Variants in FASTKD3 observed in about 807,000 individuals in gnomAD.
The protein encoded by FASTKD3 is FAST kinase domain-containing protein 3, mitochondrial.
A neutral mutation model predicts 49.7 loss-of-function variants in FASTKD3; 47 were observed. The ratio of observed to expected loss-of-function variants is 0.95; its 90% CI spans 0.75 to 1.21. The LOEUF is 1.21. FASTKD3 is among the 50% of genes most tolerant of loss of function. The pLI, the probability that FASTKD3 is intolerant of heterozygous loss-of-function variation, is 0.00. For synonymous variants in FASTKD3, 284 were observed against 288.6 expected, an observed-to-expected ratio of 0.98 and a Z score of 0.16; for missense variants, 748 against 765.7, an observed-to-expected ratio of 0.98 and a Z score of 0.27.
In FASTKD3 at chr5:7,861,177, A is replaced by T; in HGVS notation, c.1856T>A (p.Leu619Gln). 1 of 1,611,178 alleles carries T rather than the reference A, an allele frequency of 6.2e-7. No individual in the cohort carries two copies. Among genetic ancestry groups the T allele is most frequent in the Non-Finnish European group, 8.5e-7 (1 of 1,177,910 alleles). Reference protein sequence around the residue: ...LGKEAIKQRHLQLLGYQVVQI... With the variant: ...LGKEAIKQRHQQLLGYQVVQI... Reference sequence around the variant, plus strand: ...AACAACTTGATAACCGAGTAACTGTAGGTGTCTTTGTTTAATAGCTTCTTT... The same window carrying T: ...AACAACTTGATAACCGAGTAACTGTTGGTGTCTTTGTTTAATAGCTTCTTT... Residue 619 changes from leucine to glutamine, a missense_variant, in exon 6 of 7, where the codon CTA becomes CAA. Coordinates refer to ENST00000264669, the MANE Select transcript of FASTKD3 (RefSeq NM_024091.4).
Position 7,861,711 on chromosome 5 carries a change from T to C in FASTKD3, c.1700-59A>G, listed in dbSNP as rs920537240. 2.7e-5 allele frequency: 42 copies of C among 1,568,740 alleles called. No homozygotes were observed. The East Asian group carries it at 9.0e-4, about 33-fold the overall frequency. ...GATACCCTCACAAACACTATCTTCCTGTATTCATTCCTTTGCTTTGCTTTG... is the reference window on the plus strand; with the variant it reads ...GATACCCTCACAAACACTATCTTCCCGTATTCATTCCTTTGCTTTGCTTTG... On this transcript the variant is annotated intron_variant, in intron 4 of 6. Coordinates refer to ENST00000264669, the MANE Select transcript of FASTKD3 (RefSeq NM_024091.4).
chr5:7,861,967 A>C (rs1483539608), intron 4 of FASTKD3: 1 of 212,400 alleles, frequency 4.7e-6, no homozygotes, highest in African/African-American at 2.3e-5. Context: ...GAGATCCTTC[A>C]ATCCAGACTG....
chr5:7,864,610 T>C (rs976738089), intron 3 of FASTKD3, among the ~76,000 whole-genome samples: 7 of 152,154 alleles, frequency 4.6e-5, no homozygotes. Flanking sequence ...AAAAGAAATG[T>C]AAATGGCCAA....
At position 7,861,577 on chromosome 5, in the gene FASTKD3, C is replaced by T; in HGVS notation, c.1769+6G>A. 6.4e-7 allele frequency: 1 copy of T among 1,572,206 alleles called. No homozygotes were observed. Among genetic ancestry groups the T allele is most frequent in the African/African-American group, 1.4e-5 (1 of 73,798 alleles). On this transcript the variant is annotated splice_donor_region_variant and intron_variant, in intron 5 of 6. Coordinates refer to ENST00000264669, the MANE Select transcript of FASTKD3 (RefSeq NM_024091.4). The stretch of plus-strand genomic sequence containing the variant: ...GTAATGTGAAAAACACAACATTTTC[C>T]TGTACCTTTTATGGATATCTTCATT...
intron 4 of FASTKD3, among the ~76,000 whole-genome samples, chr5:7,862,505 C>T (rs535516463): frequency 8.5e-5 from 13 of 152,272 alleles, no homozygotes; most frequent in African/African-American, 2.9e-4. Flanking sequence ...GCATTTCCTA[C>T]GTTCCAGGTA....
intron 3 of FASTKD3, among the ~76,000 whole-genome samples, chr5:7,864,121 G>A (rs534499869): frequency 1.3e-5 from 2 of 152,244 alleles, no homozygotes; most frequent in South Asian, 2.1e-4. Flanking sequence ...AAAGTGCTGC[G>A]ATTACAGGCA....
Position 7,862,531 on chromosome 5 carries a change from C to T in FASTKD3, c.1699+292G>A, listed in dbSNP as rs989920567. ...GTTCCAGGTACTATTTTATTTAGACCTTAAGTAAGTCTTTGAGGTCAATAT... is the reference window on the plus strand; with the variant it reads ...GTTCCAGGTACTATTTTATTTAGACTTTAAGTAAGTCTTTGAGGTCAATAT... On this transcript the variant is annotated intron_variant, in intron 4 of 6. Coordinates refer to ENST00000264669, the MANE Select transcript of FASTKD3 (RefSeq NM_024091.4). 2.6e-5 allele frequency among the ~76,000 whole-genome samples: 4 copies of T among 152,084 alleles called. No homozygotes were observed. The East Asian group carries it at 7.7e-4, about 29-fold the overall frequency.
chr5:7,868,039 A>G lies in FASTKD3; in HGVS notation c.45T>C (p.Asp15=). The stretch of plus-strand genomic sequence containing the variant: ...CAGCCAGAGCTCTATGCATCTGAAA[A>G]TCAGATAAACGATAAAGGTTCTTCC... ...TLRKNLYRLS[D]FQMHRALAAL... is the part of the protein sequence containing the mutation. Residue 15 remains aspartate (D), a synonymous_variant, in exon 2 of 7, where the codon GAT becomes GAC. Coordinates refer to ENST00000264669, the MANE Select transcript of FASTKD3 (RefSeq NM_024091.4). 1 of 1,613,170 alleles carries G rather than the reference A, an allele frequency of 6.2e-7. No individual in the cohort carries two copies.
rs753721111 is a variant in FASTKD3 at position 7,867,884 on chromosome 5, G to A, written c.200C>T (p.Ser67Leu). Reference protein sequence around the residue: ...FHHAHCKKFHSKNGNDLHPLG... With the variant: ...FHHAHCKKFHLKNGNDLHPLG... ...TGGATGAAGGTCATTTCCATTTTTCGAATGAAACTTTTTACAATGGGCATG... is the reference window on the plus strand; with the variant it reads ...TGGATGAAGGTCATTTCCATTTTTCAAATGAAACTTTTTACAATGGGCATG... The change falls in exon 2 of 7, where the codon TCG becomes TTG. Residue 67 changes from serine (S) to leucine (L), a missense_variant. Physicochemically the swap from Ser to Leu is moderately radical, Grantham distance 145. Around this residue, in one of 3 missense-constraint regions of FASTKD3, gnomAD observed 564 missense variants for 562.8 expected, o/e 1.00. Coordinates refer to ENST00000264669, the MANE Select transcript of FASTKD3 (RefSeq NM_024091.4). The A allele has an allele frequency of 2.5e-6, 4 of 1,613,960 alleles. No homozygotes were observed. In the South Asian group the frequency reaches 4.4e-5, roughly 18 times the overall value.
intron 4 of FASTKD3, among the ~76,000 whole-genome samples, chr5:7,862,356 A>G (rs773188996): frequency 1.7e-4 from 26 of 152,184 alleles, no homozygotes; most frequent in Non-Finnish European, 3.4e-4. Flanking sequence ...ACATGTGGCT[A>G]CTGAGCACTT....
chr5:7,867,104 G>C lies in FASTKD3; in HGVS notation c.980C>G (p.Pro327Arg). The change falls in exon 2 of 7, where the codon CCA becomes CGA. Residue 327 changes from proline to arginine, a missense_variant. Around this residue, in one of 3 missense-constraint regions of FASTKD3, gnomAD observed 564 missense variants for 562.8 expected, o/e 1.00. Transcript: ENST00000264669. ...KLGKYVVRHV[P>R]HFTNEELRRV... The stretch of plus-strand genomic sequence containing the variant: ...CCTAAGCTCCTCGTTAGTGAAATGT[G>C]GGACATGCCTCACGACATATTTGCC... The C allele has an allele frequency of 6.2e-7, 1 of 1,614,166 alleles. No individual in the cohort carries two copies. Among genetic ancestry groups the C allele is most frequent in the Non-Finnish European group, 8.5e-7 (1 of 1,180,028 alleles).
chr5:7,865,867 A>T (rs747940569), intron 3 of FASTKD3, 31 bp downstream of exon 3: 2 of 1,531,494 alleles, frequency 1.3e-6, no homozygotes, highest in African/African-American at 1.4e-5. Context: ...ACCCATGGGG[A>T]AATAAAGCCA....
chr5:7,868,964 C>A lies in FASTKD3; in HGVS notation c.-114+15G>T, dbSNP rs751067281. 1 of 770,390 alleles carries A rather than the reference C, an allele frequency of 1.3e-6. No individual in the cohort carries two copies. Among genetic ancestry groups the A allele is most frequent in the Non-Finnish European group, 2.3e-6 (1 of 440,190 alleles). The allele number at this position is 770,390 out of a possible 1,614,324, so 47.7% of individuals were successfully genotyped here. A position where few individuals can be genotyped will look rare whatever the true frequency, so the allele number is the denominator to read the frequency against. On this transcript the variant is annotated intron_variant, in intron 1 of 6. Transcript: ENST00000264669. ...AGCCGGACCAACTGCGCGGAGACCC[C>A]GCGTTGACACCTACCGCGCTCTGCC...
chr5:7,865,344 TAG>T (rs1746867038), intron 3 of FASTKD3, among the ~76,000 whole-genome samples: 1 of 152,058 alleles, frequency 6.6e-6, no homozygotes, highest in African/African-American at 2.4e-5. Context: ...CAGAGTCAAG[TAG>T]AGAGAAGCAG....
At chr5:7,868,470 A>C (rs898416653) in intron 1 of FASTKD3, among the ~76,000 whole-genome samples, 7 of 152,216 alleles carry the variant, frequency 4.6e-5, no homozygotes, top group African/African-American at 1.4e-4. Flanking sequence ...CAGGCAATGT[A>C]GCTCTTAAGG....
chr5:7,860,117 A>T (rs1195733435), intron 6 of FASTKD3, among the ~76,000 whole-genome samples: 1 of 152,198 alleles, frequency 6.6e-6, no homozygotes, highest in East Asian at 1.9e-4. Flanking sequence ...TAAGATGTAG[A>T]GAAGTTTTTA....
chr5:7,868,200 GAAAAAAAA>G lies in FASTKD3; in HGVS notation c.-113-12_-113-5del, dbSNP rs34274545. On this transcript the variant is annotated splice_polypyrimidine_tract_variant and splice_region_variant and intron_variant, in intron 1 of 6. Transcript: ENST00000264669. ...TTATGAAACTACAAACGAGTATCTG[GAAAAAAAA>G]AAAAAAAAAAAAAAAGGATGGTTAA... The G allele has an allele frequency of 9.7e-4, 219 of 224,660 alleles. No individual in the cohort carries two copies. Among genetic ancestry groups the G allele is most frequent in the Middle Eastern group, 2.7e-3 (2 of 754 alleles). 13.9% of individuals were successfully genotyped at this position (224,660 alleles called of 1,614,324 possible).
chr5:7,861,591 G>T lies in FASTKD3; in HGVS notation c.1761C>A (p.Ile587=). 1 of 1,588,926 alleles carries T rather than the reference G, an allele frequency of 6.3e-7. No individual in the cohort carries two copies. Among genetic ancestry groups the T allele is most frequent in the Non-Finnish European group, 8.6e-7 (1 of 1,167,012 alleles). Residue 587 remains isoleucine (I), a synonymous_variant, in exon 5 of 7, where the codon ATC becomes ATA. Coordinates refer to ENST00000264669, the MANE Select transcript of FASTKD3 (RefSeq NM_024091.4). ...ACAACATTTTCCTGTACCTTTTATGGATATCTTCATTAGCTGTGGATGGCA... is the reference window on the plus strand; with the variant it reads ...ACAACATTTTCCTGTACCTTTTATGTATATCTTCATTAGCTGTGGATGGCA... ...FVLPSTANED[I]HKRIALCIDG...
rs34274545 is a variant in FASTKD3 at position 7,868,200 on chromosome 5, GAAAAAAA to G, written c.-113-11_-113-5del. ...TTATGAAACTACAAACGAGTATCTG[GAAAAAAA>G]AAAAAAAAAAAAAAAAGGATGGTTA... On this transcript the variant is annotated splice_polypyrimidine_tract_variant and splice_region_variant and intron_variant, in intron 1 of 6. Coordinates refer to ENST00000264669, the MANE Select transcript of FASTKD3 (RefSeq NM_024091.4). The G allele has an allele frequency of 5.6e-3, 1,250 of 223,860 alleles. No individual in the cohort carries two copies. Among genetic ancestry groups the G allele is most frequent in the East Asian group, 0.014 (174 of 12,306 alleles). 13.9% of individuals were successfully genotyped at this position (223,860 alleles called of 1,614,324 possible). A position where few individuals can be genotyped will look rare whatever the true frequency, so the allele number is the denominator to read the frequency against.
Sources: allele counts gnomAD v4.1 joint callset (sites outside exome capture counted in the v4.1 genomes callset), GRCh38; gene constraint gnomAD v4.1.1; regional missense constraint gnomAD v4.1.1; transcripts MANE v1.5; gene names NCBI Gene and HGNC (gene_info 2026-07-23, HGNC 2026-07-21).